MGAT5: variants seen among roughly 807,000 people sequenced by gnomAD.
MGAT5 encodes alpha-1,6-mannosylglycoprotein 6-beta-N-acetylglucosaminyltransferase A.
MGAT5 carries 30 observed loss-of-function variants against 94.3 expected under a neutral mutation model. The observed-to-expected ratio is 0.32, with a 90% confidence interval of 0.24 to 0.43. The LOEUF (loss-of-function observed/expected upper bound fraction) is 0.43, where lower values mean the gene tolerates loss of function less well. MGAT5 is among the 20% of genes least tolerant of loss of function. The pLI, the probability that MGAT5 is intolerant of heterozygous loss-of-function variation, is 1.00. For missense variants in MGAT5, 691 were observed against 905.5 expected, an observed-to-expected ratio of 0.76 and a Z score of 3.04; for synonymous variants, 310 against 322.9, an observed-to-expected ratio of 0.96 and a Z score of 0.43.
chr2:134,428,579 G>C lies in MGAT5; in HGVS notation c.1869+140G>C, dbSNP rs529311385. ...GGGAGACTCTAGAAGCTGGATAATA[G>C]TAGCACTGTCATGGTCACCCAAGAG... On this transcript the variant is annotated intron_variant, in intron 14 of 15. Coordinates refer to ENST00000281923, the MANE Select transcript of MGAT5 (RefSeq NM_002410.5). 7.2e-6 allele frequency: 5 copies of C among 697,438 alleles called. No individual in the cohort carries two copies. The East Asian group carries it at 1.4e-4, about 19-fold the overall frequency. The allele number at this position is 697,438 out of a possible 1,614,324, so 43.2% of individuals were successfully genotyped here.
intron 1 of MGAT5, among the ~76,000 whole-genome samples, chr2:134,177,516 A>T (rs1055555531): frequency 6.6e-6 from 1 of 152,216 alleles, no homozygotes; most frequent in Non-Finnish European, 1.5e-5. Context: ...GCCCAGGAAG[A>T]TGACAAGAGT....
chr2:134,441,058 G>T (rs902072645), intron 14 of MGAT5, among the ~76,000 whole-genome samples: 2 of 152,128 alleles, frequency 1.3e-5, no homozygotes, highest in Admixed American at 1.3e-4. Context: ...TTGTAAAATT[G>T]GTTTCTTTAT....
intron 7 of MGAT5, among the ~76,000 whole-genome samples, chr2:134,343,083 A>T (rs1337511896): frequency 2.6e-5 from 4 of 152,156 alleles, no homozygotes; most frequent in Admixed American, 2.0e-4. Flanking sequence ...AGGAATAAAT[A>T]GGTGAATGAA....
At chr2:134,175,270 G>A (rs566490047) in intron 1 of MGAT5, among the ~76,000 whole-genome samples, 1 of 152,312 alleles carries the variant, frequency 6.6e-6, no homozygotes, top group Non-Finnish European at 1.5e-5. Flanking sequence ...AGTGAATAGG[G>A]CAGGCTCTTA....
intron 1 of MGAT5, among the ~76,000 whole-genome samples, chr2:134,236,065 C>G (rs1461853058): frequency 6.6e-6 from 1 of 152,178 alleles, no homozygotes; most frequent in African/African-American, 2.4e-5. Context: ...GGAAGAGCCT[C>G]AGACACCACC....
At chr2:134,367,161 C>T (rs1309455984) in intron 10 of MGAT5, among the ~76,000 whole-genome samples, 2 of 152,186 alleles carry the variant, frequency 1.3e-5, no homozygotes, top group African/African-American at 4.8e-5. Context: ...CTGACTGGGC[C>T]ACCAGCTGCC....
chr2:134,283,334 T>C (rs1428459060), intron 2 of MGAT5, among the ~76,000 whole-genome samples: 2 of 152,210 alleles, frequency 1.3e-5, no homozygotes, highest in African/African-American at 4.8e-5. Context: ...TGGCTGTTGC[T>C]ATAATTAACA....
intron 10 of MGAT5, among the ~76,000 whole-genome samples, chr2:134,400,075 T>C (rs932690521): frequency 2.0e-5 from 3 of 152,090 alleles, no homozygotes; most frequent in Admixed American, 6.5e-5. Flanking sequence ...AATTTGATAT[T>C]ATGGAGGCAG....
At chr2:134,352,569 T>C (rs1679455629) in intron 9 of MGAT5, among the ~76,000 whole-genome samples, 1 of 152,140 alleles carries the variant, frequency 6.6e-6, no homozygotes, top group African/African-American at 2.4e-5. Context: ...AATAAACTAA[T>C]AAAAATGATT....
chr2:134,354,184 T>A (rs1388460199), intron 9 of MGAT5, among the ~76,000 whole-genome samples: 3 of 152,236 alleles, frequency 2.0e-5, no homozygotes, highest in African/African-American at 7.2e-5. Flanking sequence ...TGGATAGTAA[T>A]CATTATATAA....
chr2:134,438,590 C>G (rs1026765962), intron 14 of MGAT5, among the ~76,000 whole-genome samples: 1 of 152,190 alleles, frequency 6.6e-6, no homozygotes, highest in Non-Finnish European at 1.5e-5. Flanking sequence ...CACTGTGCCC[C>G]CATTCAGGGT....
At chr2:134,264,319 G>A (rs1355714244) in intron 1 of MGAT5, among the ~76,000 whole-genome samples, 1 of 152,080 alleles carries the variant, frequency 6.6e-6, no homozygotes, top group East Asian at 1.9e-4. Context: ...ACCGCACCCG[G>A]CCAGCCATTA....
rs78180455 is a variant in MGAT5, at chr2:134,164,839, C to CA, written c.-143+44560dup. On this transcript the variant is annotated intron_variant, in intron 1 of 16. Transcript: ENST00000409645. ...CTGGGCAACATAGTGACACCCGTCT[C>CA]AAAAAAAAAAAACCAAACCAAACAA... Among the ~76,000 whole-genome samples, 603 of 131,666 alleles carry CA rather than the reference C, an allele frequency of 4.6e-3. 4 individuals carry two copies. Among genetic ancestry groups the CA allele is most frequent in the Middle Eastern group, 0.02 (5 of 256 alleles). 86.4% of individuals were successfully genotyped at this position (131,666 alleles called of 152,430 possible).
chr2:134,448,989 C>A lies in MGAT5; in HGVS notation c.*142C>A. ...GTAGAAGGTTCTGAATTGGCATTGCCCTTGCTGCACTCCGAGCAACCCAGT... is the reference window on the plus strand; with the variant it reads ...GTAGAAGGTTCTGAATTGGCATTGCACTTGCTGCACTCCGAGCAACCCAGT... On this transcript the variant is annotated 3_prime_UTR_variant, in exon 16 of 16. Coordinates refer to ENST00000281923, the MANE Select transcript of MGAT5 (RefSeq NM_002410.5). The A allele has an allele frequency of 1.3e-6, 1 of 787,186 alleles. No homozygotes were observed. Among genetic ancestry groups the A allele is most frequent in the Non-Finnish European group, 2.0e-6 (1 of 497,414 alleles). 48.8% of individuals were successfully genotyped at this position (787,186 alleles called of 1,614,324 possible). A position where few individuals can be genotyped will look rare whatever the true frequency, so the allele number is the denominator to read the frequency against.
chr2:134,442,576 G>C (rs1275396142), intron 15 of MGAT5, among the ~76,000 whole-genome samples: 1 of 152,190 alleles, frequency 6.6e-6, no homozygotes, highest in African/African-American at 2.4e-5. Flanking sequence ...CTGGCCCAGG[G>C]CTGCACAGGG....
At chr2:134,308,789 C>A (rs1686483775) in intron 2 of MGAT5, among the ~76,000 whole-genome samples, 1 of 152,154 alleles carries the variant, frequency 6.6e-6, no homozygotes, top group Non-Finnish European at 1.5e-5. Context: ...AATCCCAGCA[C>A]TTTGGAAGGC....
At chr2:134,151,869 CTCACTCA>C in intron 1 of MGAT5, among the ~76,000 whole-genome samples, 1 of 142,636 alleles carries the variant, frequency 7.0e-6, no homozygotes, top group African/African-American at 2.7e-5. Context: ...GCCATGGGAC[CTCACTCA>C]CGCCCTGTGG....
chr2:134,319,869 G>T, intron 4 of MGAT5: 1 of 252,400 alleles, frequency 4.0e-6, no homozygotes, highest in South Asian at 3.9e-5. Flanking sequence ...TGCTCAATTT[G>T]GTAACCTGAG....
chr2:134,293,352 A>G (rs577707930), intron 2 of MGAT5, among the ~76,000 whole-genome samples: 2 of 152,330 alleles, frequency 1.3e-5, no homozygotes, highest in East Asian at 1.9e-4. Context: ...ATTTAAGCCC[A>G]CAGATGTTAA....
Sources: gnomAD v4.1 joint callset for allele counts (sites outside exome capture counted in the v4.1 genomes callset) on GRCh38, gnomAD v4.1.1 for gene constraint, MANE v1.5 for transcripts, NCBI Gene and HGNC (gene_info 2026-07-23, HGNC 2026-07-21) for gene names.